Variants in LRRC7 observed in about 807,000 individuals in gnomAD.
LRRC7 encodes the protein leucine-rich repeat-containing protein 7.
In LRRC7, 23 loss-of-function variants were observed where a neutral mutation model predicts 175.7. The observed-to-expected ratio is 0.13, with a 90% CI of 0.09 to 0.19. The LOEUF (loss-of-function observed/expected upper bound fraction) is 0.19, where lower values mean the gene tolerates loss of function less well. Ranked by LOEUF, LRRC7 falls within the 10% of genes least tolerant of loss-of-function variation. LRRC7 has a pLI of 1.00. For synonymous variants in LRRC7, 685 were observed against 680.9 expected (o/e 1.01, Z -0.09); for missense variants, 1,354 against 1,904.7 (o/e 0.71, Z 5.38).
chr1:69,990,235 A>G (rs1211122695), intron 10 of LRRC7, among the ~76,000 whole-genome samples: 2 of 152,088 alleles, frequency 1.3e-5, no homozygotes, highest in East Asian at 3.9e-4. Flanking sequence ...TAGTTTACCA[A>G]CTTAATTTGG....
At chr1:70,107,452 C>T (rs1224763688) in intron 25 of LRRC7, among the ~76,000 whole-genome samples, 2 of 152,116 alleles carry the variant, frequency 1.3e-5, no homozygotes, top group Non-Finnish European at 2.9e-5. Context: ...AATGATTCAG[C>T]ATCACATTTC....
chr1:69,915,670 A>T lies in LRRC7; in HGVS notation c.648-15837A>T, dbSNP rs183934733. Reference sequence around the variant, plus strand: ...TGCCAAAATGTACTGGCCATCTGAAATTTTTTAAAAATCATGCAACACTTA... The same window carrying T: ...TGCCAAAATGTACTGGCCATCTGAATTTTTTTAAAAATCATGCAACACTTA... On this transcript the variant is annotated intron_variant, in intron 7 of 26. Transcript: ENST00000651989. Among the ~76,000 whole-genome samples the T allele has an allele frequency of 2.7e-3, 417 of 152,204 alleles. 2 individuals carry two copies. The highest frequency in any genetic ancestry group is 0.014 in the Middle Eastern group (4 of 294).
chr1:69,586,494 T>G (rs1333177070), intron 1 of LRRC7, among the ~76,000 whole-genome samples: 2 of 151,966 alleles, frequency 1.3e-5, no homozygotes, highest in Non-Finnish European at 2.9e-5. Flanking sequence ...TGGGGAGATT[T>G]TCAATGTGGC....
chr1:70,045,174 T>A (rs1201536433), intron 22 of LRRC7, among the ~76,000 whole-genome samples: 10 of 146,454 alleles, frequency 6.8e-5, no homozygotes, highest in African/African-American at 1.5e-4. Flanking sequence ...ACCGTAACTT[T>A]AAAAAAAAAA....
At chr1:69,891,126 G>A (rs1380270945) in intron 7 of LRRC7, among the ~76,000 whole-genome samples, 1 of 152,200 alleles carries the variant, frequency 6.6e-6, no homozygotes, top group East Asian at 1.9e-4. Context: ...TGGCACAAGA[G>A]GTATAGCTTT....
chr1:69,852,029 C>G (rs970981837), intron 7 of LRRC7, among the ~76,000 whole-genome samples: 2 of 152,078 alleles, frequency 1.3e-5, no homozygotes, highest in Non-Finnish European at 2.9e-5. Flanking sequence ...ATTTGTCTTT[C>G]TCTCCTTTTT....
intron 26 of LRRC7, among the ~76,000 whole-genome samples, chr1:70,112,719 G>T (rs1665603781): frequency 6.6e-6 from 1 of 152,124 alleles, no homozygotes. Context: ...GGATCATGGA[G>T]ATCTCTGGTT....
chr1:70,110,025 G>A (rs1324110488), intron 26 of LRRC7, among the ~76,000 whole-genome samples: 1 of 152,160 alleles, frequency 6.6e-6, no homozygotes, highest in Non-Finnish European at 1.5e-5. Flanking sequence ...CTAGAATTCA[G>A]AAATGTATAT....
At chr1:69,676,920 A>T (rs1477194543) in intron 1 of LRRC7, among the ~76,000 whole-genome samples, 1 of 151,914 alleles carries the variant, frequency 6.6e-6, no homozygotes, top group Non-Finnish European at 1.5e-5. Context: ...GTTTTTCATT[A>T]ATTAACCTTC....
chr1:70,000,815 T>G (rs1655451716), intron 11 of LRRC7, among the ~76,000 whole-genome samples: 1 of 152,196 alleles, frequency 6.6e-6, no homozygotes, highest in African/African-American at 2.4e-5. Flanking sequence ...CTGAAGGGCC[T>G]GGGTTCTGCC....
chr1:69,816,532 A>G (rs533921836), intron 4 of LRRC7, among the ~76,000 whole-genome samples: 172 of 152,262 alleles, frequency 1.1e-3, no homozygotes, highest in African/African-American at 3.4e-3. Context: ...TCTATATTTT[A>G]GTGGAAGGCC....
At chr1:69,919,755 A>AC in intron 7 of LRRC7, 2 of 974,190 alleles carry the variant, frequency 2.1e-6, no homozygotes, top group Non-Finnish European at 3.2e-6. Context: ...CCATTTGAAG[A>AC]CCCCTGGTTT....
At chr1:70,040,421 A>G (rs17131146) in intron 21 of LRRC7, among the ~76,000 whole-genome samples, 5,294 of 152,286 alleles carry the variant, frequency 0.035, 200 homozygotes, top group African/African-American at 0.1. Flanking sequence ...AATTCAGATT[A>G]TACTACAGAC....
At chr1:69,697,087 C>T (rs1662700508) in intron 2 of LRRC7, among the ~76,000 whole-genome samples, 2 of 152,158 alleles carry the variant, frequency 1.3e-5, no homozygotes, top group African/African-American at 4.8e-5. Flanking sequence ...ATTCCATTCT[C>T]TATTTCATGG....
chr1:69,875,208 T>G (rs1685934034), intron 7 of LRRC7, among the ~76,000 whole-genome samples: 1 of 152,034 alleles, frequency 6.6e-6, no homozygotes, highest in South Asian at 2.1e-4. Flanking sequence ...TTTATGATGT[T>G]CTAAGGAAGA....
intron 10 of LRRC7, among the ~76,000 whole-genome samples, chr1:69,994,247 G>A (rs1258957452): frequency 6.6e-6 from 1 of 152,076 alleles, no homozygotes; most frequent in Admixed American, 6.6e-5. Flanking sequence ...AATTTCAACT[G>A]GTCCATTTGC....
At chr1:69,737,559 C>T (rs1356179425) in intron 2 of LRRC7, among the ~76,000 whole-genome samples, 2 of 152,018 alleles carry the variant, frequency 1.3e-5, no homozygotes, top group Non-Finnish European at 2.9e-5. Context: ...TAGCTTTGAC[C>T]CAGAGACTCC....
At chr1:70,013,773 C>G (rs1656730819) in intron 13 of LRRC7, among the ~76,000 whole-genome samples, 1 of 151,832 alleles carries the variant, frequency 6.6e-6, no homozygotes, top group African/African-American at 2.4e-5. Flanking sequence ...ATAAAATAAT[C>G]ACAAAATATA....
At chr1:69,783,412 A>G (rs1252619209) in intron 3 of LRRC7, among the ~76,000 whole-genome samples, 1 of 152,182 alleles carries the variant, frequency 6.6e-6, no homozygotes, top group Non-Finnish European at 1.5e-5. Context: ...GAAATAGGAT[A>G]TACAAAAAGG....
Sources: allele counts gnomAD v4.1 joint callset (sites outside exome capture counted in the v4.1 genomes callset), GRCh38; gene constraint gnomAD v4.1.1; transcripts MANE v1.5; gene names NCBI Gene and HGNC (gene_info 2026-07-23, HGNC 2026-07-21).